The following ARMC3 variants were observed in gnomAD, a reference collection of about 807,000 sequenced individuals.
ARMC3 encodes armadillo repeat containing 3, also known as armadillo repeat-containing protein 3.
A neutral mutation model predicts 90.3 loss-of-function variants in ARMC3; 74 were observed. That is an observed-to-expected ratio of 0.82 (90% CI 0.68 to 0.99). ARMC3 has a LOEUF of 0.99. ARMC3 is among the 50% of genes least tolerant of loss of function. ARMC3 has a pLI of 0.00. For missense variants in ARMC3, 958 were observed against 1,042.8 expected (o/e 0.92, Z 1.12); for synonymous variants, 334 against 361.8 (o/e 0.92, Z 0.87).
intron 16 of ARMC3, among the ~76,000 whole-genome samples, chr10:23,027,482 A>G (rs1838754977): frequency 6.6e-6 from 1 of 152,088 alleles, no homozygotes; most frequent in African/African-American, 2.4e-5. Context: ...TTGTGTGTTG[A>G]TCTTATATCC....
chr10:22,964,372 C>T (rs148358584), intron 7 of ARMC3, among the ~76,000 whole-genome samples: 2 of 151,606 alleles, frequency 1.3e-5, no homozygotes, highest in Non-Finnish European at 2.9e-5. Flanking sequence ...TATAGTTAAG[C>T]TTCCCATTTA....
chr10:23,007,717 A>T (rs1837693849), intron 14 of ARMC3, among the ~76,000 whole-genome samples: 1 of 16,316 alleles, frequency 6.1e-5, no homozygotes, highest in Admixed American at 6.1e-4. Flanking sequence ...AAAAAAAAAA[A>T]GAGAGAGAGC....
rs187029553 is a variant in ARMC3 at position 22,945,560 on chromosome 10, G to C, written c.49-584G>C. Among the ~76,000 whole-genome samples the C allele has an allele frequency of 1.7e-3, 258 of 152,140 alleles. 1 individual carries two copies. Among genetic ancestry groups the C allele is most frequent in the African/African-American group, 5.9e-3 (243 of 41,512 alleles). ...TATTCAATTTTACATTTTGTTATAT[G>C]CTCTTTTCTACTGCTTTTTTTATTG... On this transcript the variant is annotated intron_variant, in intron 2 of 18. Transcript: ENST00000298032.
intron 8 of ARMC3, among the ~76,000 whole-genome samples, chr10:22,977,238 C>G (rs888313466): frequency 1.3e-5 from 2 of 152,196 alleles, no homozygotes; most frequent in African/African-American, 2.4e-5. Flanking sequence ...GTTTCTCTTT[C>G]TGTCCTTAAG....
chr10:23,004,529 GGAA>G (rs1837481910), intron 13 of ARMC3, among the ~76,000 whole-genome samples: 1 of 152,130 alleles, frequency 6.6e-6, no homozygotes, highest in Non-Finnish European at 1.5e-5. Context: ...TGAGGTCATG[GGAA>G]AACTCAGAAG....
intron 3 of ARMC3, among the ~76,000 whole-genome samples, chr10:22,947,325 CAA>C (rs140227935): frequency 7.2e-5 from 10 of 139,560 alleles, no homozygotes; most frequent in Admixed American, 1.5e-4. Context: ...ACCAACCAAC[CAA>C]AAAAAAAAAA....
chr10:22,996,692 T>C (rs1454611164), intron 10 of ARMC3, among the ~76,000 whole-genome samples: 1 of 152,184 alleles, frequency 6.6e-6, no homozygotes, highest in East Asian at 1.9e-4. Flanking sequence ...GCCCAGTCAC[T>C]GTGGTTCAGT....
At chr10:23,023,845 C>T (rs187402684) in intron 16 of ARMC3, among the ~76,000 whole-genome samples, 42 of 152,142 alleles carry the variant, frequency 2.8e-4, no homozygotes, top group African/African-American at 9.2e-4. Flanking sequence ...AACAAAGCCT[C>T]AAGGACTTAC....
intron 2 of ARMC3, among the ~76,000 whole-genome samples, chr10:22,942,857 A>G (rs73600575): frequency 0.036 from 5,510 of 152,314 alleles, 316 homozygotes; most frequent in African/African-American, 0.12. Flanking sequence ...TATATACTGG[A>G]ATACATTATA....
chr10:22,999,411 T>G (rs912214852), intron 11 of ARMC3, among the ~76,000 whole-genome samples: 2 of 152,168 alleles, frequency 1.3e-5, no homozygotes, highest in African/African-American at 4.8e-5. Context: ...CCTAAAAGAA[T>G]AAAAATACAA....
At chr10:22,964,159 T>C (rs1008263999) in intron 7 of ARMC3, among the ~76,000 whole-genome samples, 1 of 152,078 alleles carries the variant, frequency 6.6e-6, no homozygotes, top group Admixed American at 6.6e-5. Flanking sequence ...ATTGAACTTA[T>C]AATACCTTCC....
intron 16 of ARMC3, among the ~76,000 whole-genome samples, chr10:23,018,514 A>ATTTTTTTTTTTTTTT: frequency 8.7e-6 from 1 of 115,484 alleles, no homozygotes; most frequent in Non-Finnish European, 1.7e-5. Context: ...CACCTTAGTA[A>ATTTTTTTTTTTTTTT]TTTTTTTTTT....
intron 16 of ARMC3, among the ~76,000 whole-genome samples, chr10:23,018,449 C>T (rs1838372681): frequency 6.6e-6 from 1 of 151,798 alleles, no homozygotes; most frequent in Non-Finnish European, 1.5e-5. Context: ...CAGCTGAGAG[C>T]CTGTGTGCTT....
chr10:23,008,714 A>G, intron 15 of ARMC3, 101 bp from the exon 16 acceptor site: 2 of 942,096 alleles, frequency 2.1e-6, no homozygotes, highest in African/African-American at 1.7e-5. Context: ...TAAAAATTGT[A>G]TAATGAAGTA....
intron 16 of ARMC3, among the ~76,000 whole-genome samples, chr10:23,015,026 GA>G (rs1370754936): frequency 2.0e-5 from 3 of 151,904 alleles, no homozygotes; most frequent in African/African-American, 7.3e-5. Flanking sequence ...TTAAAAAAGT[GA>G]GAGATACTGA....
chr10:22,948,968 C>T (rs1228064816), intron 3 of ARMC3, among the ~76,000 whole-genome samples: 2 of 152,144 alleles, frequency 1.3e-5, no homozygotes, highest in African/African-American at 4.8e-5. Context: ...GTAACAGTGC[C>T]TGGTGCTCAC....
At chr10:22,975,292 C>T (rs79561833) in intron 8 of ARMC3, among the ~76,000 whole-genome samples, 8,285 of 152,200 alleles carry the variant, frequency 0.054, 369 homozygotes, top group South Asian at 0.1. Context: ...CGGTGGCTCA[C>T]GCCTGTACTC....
At chr10:23,032,313 G>T (rs1424060559) in intron 17 of ARMC3, among the ~76,000 whole-genome samples, 1 of 151,722 alleles carries the variant, frequency 6.6e-6, no homozygotes, top group Admixed American at 6.6e-5. Context: ...CCTTGCTCCT[G>T]ACTTCAGTGT....
rs1837110250 is a variant in ARMC3 at position 22,998,382 on chromosome 10, TG to T, written c.1411del (p.Glu471LysfsTer6). On this transcript the variant is annotated frameshift_variant, in exon 11 of 19. Transcript: ENST00000298032. LOFTEE classifies it high-confidence loss of function. Reference sequence around the variant, plus strand: ...CTGTCACCGCAACTGCGTGTGACGTTGAAGCCCGGACTGAGGTGAGAATTTT... The same window carrying T: ...CTGTCACCGCAACTGCGTGTGACGTTAAGCCCGGACTGAGGTGAGAATTTT... ...LAVTATACDV[E>X]ARTELRNSGG... The T allele has an allele frequency of 6.2e-7, 1 of 1,614,190 alleles. No individual in the cohort carries two copies. Among genetic ancestry groups the T allele is most frequent in the Admixed American group, 1.7e-5 (1 of 60,032 alleles).
Sources: allele counts gnomAD v4.1 joint callset (sites outside exome capture counted in the v4.1 genomes callset), GRCh38; gene constraint gnomAD v4.1.1; transcripts MANE v1.5; gene names NCBI Gene and HGNC (gene_info 2026-07-23, HGNC 2026-07-21).